The following SLC43A2 variants were observed in gnomAD, a reference collection of about 807,000 sequenced individuals.
The protein encoded by SLC43A2 is solute carrier family 43 member 2.
In SLC43A2, 38 loss-of-function variants were observed where a neutral mutation model predicts 63.2. The ratio of observed to expected loss-of-function variants is 0.60; its 90% confidence interval spans 0.46 to 0.79. SLC43A2 has a LOEUF of 0.79. SLC43A2 is among the 30% of genes least tolerant of loss of function. SLC43A2 has a pLI of 0.00. For synonymous variants in SLC43A2, 322 were observed against 331.0 expected (o/e 0.97, Z 0.30); for missense variants, 644 against 756.2 (o/e 0.85, Z 1.74).
rs1907693232 is a variant in SLC43A2 at position 1,616,631 on chromosome 17, CT to C, written c.298del (p.Ser100ValfsTer33). 6.2e-7 allele frequency: 1 copy of C among 1,614,050 alleles called. No homozygotes were observed. Among genetic ancestry groups the C allele is most frequent in the Non-Finnish European group, 8.5e-7 (1 of 1,180,026 alleles). On this transcript the variant is annotated frameshift_variant, in exon 3 of 14. Transcript: ENST00000301335. LOFTEE classifies it high-confidence loss of function. Reference sequence around the variant, plus strand: ...GATACCCAGGGGCAGGGTGATGGCACTGAGCAGAAAGGAGCCCACAGTGAAG... The same window carrying C: ...GATACCCAGGGGCAGGGTGATGGCACGAGCAGAAAGGAGCCCACAGTGAAG... ...LAFTVGSFLL[S>X]AITLPLGIVM... is the part of the protein sequence containing the mutation.
At chr17:1,576,790 C>T in intron 12 of SLC43A2, 70 bp from the exon 13 acceptor site, 1 of 1,570,196 alleles carries the variant, frequency 6.4e-7, no homozygotes, top group Non-Finnish European at 8.6e-7. Flanking sequence ...TGTCTGGTGA[C>T]CCCGGGCTGC....
In SLC43A2 at chr17:1,619,271, C is replaced by T. The variant is rs185611425; in HGVS notation, c.161-2502G>A. Among the ~76,000 whole-genome samples, 16 of 152,332 alleles carry T rather than the reference C, an allele frequency of 1.1e-4. No individual in the cohort carries two copies. The East Asian group carries it at 3.1e-3, about 29-fold the overall frequency. On this transcript the variant is annotated intron_variant, in intron 2 of 13. Transcript: ENST00000301335. ...AAGCTGAGATCACACCACTGCACTC[C>T]AGCCTGGGCAACAGAGTGAGACCCC...
Position 1,612,985 on chromosome 17 carries a change from A to T in SLC43A2, c.501+210T>A, listed in dbSNP as rs1298142036. Among the ~76,000 whole-genome samples, 3 of 151,884 alleles carry T rather than the reference A, an allele frequency of 2.0e-5. No homozygotes were observed. The East Asian group carries it at 5.8e-4, about 29-fold the overall frequency. The stretch of plus-strand genomic sequence containing the variant: ...AGACTCCGTCTCAAAAAAAAAAAAA[A>T]AGGCAAGGGATTGTGAAGCCACGCC... On this transcript the variant is annotated intron_variant, in intron 5 of 13. Coordinates refer to ENST00000301335, the MANE Select transcript of SLC43A2 (RefSeq NM_152346.3).
intron 2 of SLC43A2, among the ~76,000 whole-genome samples, chr17:1,619,226 C>T (rs776650051): frequency 4.1e-4 from 61 of 150,524 alleles, no homozygotes; most frequent in Non-Finnish European, 1.9e-4. Context: ...TGCTTGAAGC[C>T]GGGAGGCGGA....
chr17:1,593,717 G>T lies in SLC43A2; in HGVS notation c.502-438C>A, dbSNP rs78680166. On this transcript the variant is annotated intron_variant, in intron 5 of 13. Transcript: ENST00000301335. The surrounding 1 kb of genome is among the most constrained non-coding windows in gnomAD (Gnocchi z 5.3). Reference sequence around the variant, plus strand: ...AATAAAAATATCAGCATTCCAGAAAGACCAGATGTCAGCAAAAACTGCTTT... The same window carrying T: ...AATAAAAATATCAGCATTCCAGAAATACCAGATGTCAGCAAAAACTGCTTT... Among the ~76,000 whole-genome samples, 2 of 152,288 alleles carry T rather than the reference G, an allele frequency of 1.3e-5. No homozygotes were observed. The highest frequency in any genetic ancestry group is 3.9e-4 in the East Asian group (2 of 5,174).
rs1239939492 is a variant in SLC43A2, at chr17:1,576,693, G to A, written c.1452C>T (p.Leu484=). ...CGCTGATCAGAGACTGCAGTCCCGT[G>A]AGGCTGCCGAACTGGGTGGAGGGGT... is the stretch of plus-strand genomic sequence containing the variant. ...AVYPSTQFGS[L]TGLQSLISAL... The change falls in exon 13 of 14, where the codon CTC becomes CTT. Residue 484 remains leucine, a synonymous_variant. Coordinates refer to ENST00000301335, the MANE Select transcript of SLC43A2 (RefSeq NM_152346.3). 6 of 1,610,824 alleles carry A rather than the reference G, an allele frequency of 3.7e-6. No individual in the cohort carries two copies. Among genetic ancestry groups the A allele is most frequent in the South Asian group, 3.3e-5 (3 of 91,074 alleles).
chr17:1,601,114 T>C (rs187288818), intron 5 of SLC43A2, among the ~76,000 whole-genome samples: 1 of 151,950 alleles, frequency 6.6e-6, no homozygotes, highest in Non-Finnish European at 1.5e-5. Context: ...ATGTCAGAAA[T>C]GCAAAAATGC....
At chr17:1,579,889 A>G (rs1285642980) in intron 11 of SLC43A2, among the ~76,000 whole-genome samples, 1 of 151,764 alleles carries the variant, frequency 6.6e-6, no homozygotes, top group Non-Finnish European at 1.5e-5. Context: ...ATCCCTTCCT[A>G]ATTATTTTAC....
rs1247065791 is a variant in SLC43A2 at position 1,583,086 on chromosome 17, T to C, written c.1350+118A>G. On this transcript the variant is annotated intron_variant, in intron 11 of 13. Coordinates refer to ENST00000301335, the MANE Select transcript of SLC43A2 (RefSeq NM_152346.3). This position sits in a 1 kb window ranked among gnomAD's most constrained non-coding sequence, Gnocchi z 5.5. ...AGAGTTTGACTCTGTCTCAAAAAAA[T>C]AAAGAAAGTCATCCGCTTTGTTGAT... 3 of 1,186,262 alleles carry C rather than the reference T, an allele frequency of 2.5e-6. No homozygotes were observed. Among genetic ancestry groups the C allele is most frequent in the Non-Finnish European group, 3.6e-6 (3 of 835,928 alleles). The allele number at this position is 1,186,262 out of a possible 1,614,324, so 73.5% of individuals were successfully genotyped here. A position where few individuals can be genotyped will look rare whatever the true frequency, so the allele number is the denominator to read the frequency against.
chr17:1,608,746 A>T (rs1906842952), intron 5 of SLC43A2, among the ~76,000 whole-genome samples: 1 of 152,092 alleles, frequency 6.6e-6, no homozygotes, highest in African/African-American at 2.4e-5. Context: ...AGTGAAAGTA[A>T]TGGACCCTCC....
At position 1,571,846 on chromosome 17, in the gene SLC43A2, C is replaced by T. The variant is rs889117612; in HGVS notation, c.*3758G>A. On this transcript the variant is annotated 3_prime_UTR_variant, in exon 14 of 14. Coordinates refer to ENST00000301335, the MANE Select transcript of SLC43A2 (RefSeq NM_152346.3). The surrounding 1 kb of genome is among the most constrained non-coding windows in gnomAD (Gnocchi z 5.2). ...GTTTGGAGAAGGCCGACCACAAAGA[C>T]ACGCCTAGACCCCAGAGTCTAGTGA... is the stretch of plus-strand genomic sequence containing the variant. 4 of 152,292 alleles carry T rather than the reference C, an allele frequency of 2.6e-5. No homozygotes were observed. The highest frequency in any genetic ancestry group is 4.4e-5 in the Non-Finnish European group (3 of 68,102). The allele number at this position is 152,292 out of a possible 1,614,324, so 9.4% of individuals were successfully genotyped here. A position where few individuals can be genotyped will look rare whatever the true frequency, so the allele number is the denominator to read the frequency against.
chr17:1,584,322 C>G (rs2076068082), intron 10 of SLC43A2, among the ~76,000 whole-genome samples: 1 of 152,162 alleles, frequency 6.6e-6, no homozygotes. Flanking sequence ...CCCAGGCCCA[C>G]CACTTCCTAA....
At chr17:1,627,651 C>CAA in intron 2 of SLC43A2, 64 bp downstream of exon 2, 40 of 686,268 alleles carry the variant, frequency 5.8e-5, no homozygotes, top group East Asian at 7.3e-5. Context: ...TCTTCGCCCC[C>CAA]ATCCCGCCCC....
intron 2 of SLC43A2, among the ~76,000 whole-genome samples, chr17:1,623,864 A>ACCCTCCTCTCCTCCAGGGTGTG (rs1908404062): frequency 1.5e-5 from 2 of 133,470 alleles, no homozygotes; most frequent in Non-Finnish European, 3.2e-5. Context: ...TCCAGGGTGT[A>ACCCTCCTCTCCTCCAGGGTGTG]CCCTCCTCTC....
rs1423568548 is a variant in SLC43A2, at chr17:1,590,961, G to T, written c.932-13C>A. 12 of 1,549,036 alleles carry T rather than the reference G, an allele frequency of 7.7e-6. No individual in the cohort carries two copies. Among genetic ancestry groups the T allele is most frequent in the Non-Finnish European group, 1.0e-5 (12 of 1,146,832 alleles). ...AAGGAGGGGGCCACTGCAGGGAGAG[G>T]GTGCGGGGCTCAGGGCCGGGGCACA... is the stretch of plus-strand genomic sequence containing the variant. On this transcript the variant is annotated splice_polypyrimidine_tract_variant and intron_variant, in intron 8 of 13. Coordinates refer to ENST00000301335, the MANE Select transcript of SLC43A2 (RefSeq NM_152346.3).
chr17:1,629,948 A>G (rs1395503868), upstream of SLC43A2, among the ~76,000 whole-genome samples: 4 of 152,180 alleles, frequency 2.6e-5, no homozygotes, highest in African/African-American at 9.7e-5. Context: ...GGGCTGGCTT[A>G]GCACCCCAGG....
At chr17:1,601,597 G>A (rs1024210099) in intron 5 of SLC43A2, among the ~76,000 whole-genome samples, 49 of 149,422 alleles carry the variant, frequency 3.3e-4, no homozygotes, top group African/African-American at 1.1e-3. Context: ...ATGCAAAGGC[G>A]CTACTGAGCC....
chr17:1,581,954 G>GCC (rs1567611288), intron 11 of SLC43A2, among the ~76,000 whole-genome samples: 6 of 151,388 alleles, frequency 4.0e-5, no homozygotes, highest in Non-Finnish European at 5.9e-5. Flanking sequence ...TTACAGGCAT[G>GCC]TGCCACCACG....
rs1212027515 is a variant in SLC43A2, at chr17:1,627,928, C to T, written c.-46-8G>A. 22 of 1,437,118 alleles carry T rather than the reference C, an allele frequency of 1.5e-5. No homozygotes were observed. In the Admixed American group the frequency reaches 5.0e-4, roughly 33 times the overall value. 89.0% of individuals were successfully genotyped at this position (1,437,118 alleles called of 1,614,324 possible). Reference sequence around the variant, plus strand: ...GCTCCGGCTCTGCACCACCTGCGCACAGAACTCGGCGTCAGCGGCCGGCCC... The same window carrying T: ...GCTCCGGCTCTGCACCACCTGCGCATAGAACTCGGCGTCAGCGGCCGGCCC... On this transcript the variant is annotated splice_region_variant and splice_polypyrimidine_tract_variant and intron_variant, in intron 1 of 13. Coordinates refer to ENST00000301335, the MANE Select transcript of SLC43A2 (RefSeq NM_152346.3).
Sources: allele counts gnomAD v4.1 joint callset (sites outside exome capture counted in the v4.1 genomes callset), GRCh38; gene constraint gnomAD v4.1.1; non-coding constraint Gnocchi (gnomAD v3.1); transcripts MANE v1.5; gene names NCBI Gene and HGNC (gene_info 2026-07-23, HGNC 2026-07-21).